Variants in NPHP3 observed in about 807,000 individuals in gnomAD.
The protein encoded by NPHP3 is nephrocystin 3.
Under a neutral mutation model 171.9 loss-of-function variants are expected in NPHP3, and 123 were observed. The observed-to-expected ratio is 0.72, with a 90% CI of 0.62 to 0.83. The LOEUF (loss-of-function observed/expected upper bound fraction) is 0.83. NPHP3 is among the 40% of genes least tolerant of loss of function. NPHP3 has a pLI of 0.00. For synonymous variants in NPHP3, 558 were observed against 579.2 expected, an observed-to-expected ratio of 0.96 and a Z score of 0.52; for missense variants, 1,506 against 1,591.9, an observed-to-expected ratio of 0.95 and a Z score of 0.92.
In NPHP3 at chr3:132,722,315, TC is replaced by T; in HGVS notation, c.40del (p.Glu14LysfsTer2). Reference sequence around the variant, plus strand: ...CGCCCCGTACGTGTCCTCGATCACTTCCCCGCCCGCGGGGCTCACGAGCGAC... The same window carrying T: ...CGCCCCGTACGTGTCCTCGATCACTTCCCGCCCGCGGGGCTCACGAGCGAC... The part of the protein sequence containing the change: ...ASSLVSPAGG[E>X]VIEDTYGAGG... On this transcript the variant is annotated frameshift_variant, in exon 1 of 27. Coordinates refer to ENST00000337331, the MANE Select transcript of NPHP3 (RefSeq NM_153240.5). LOFTEE classifies it high-confidence loss of function. 1 of 1,581,040 alleles carries T rather than the reference TC, an allele frequency of 6.3e-7. No homozygotes were observed. Among genetic ancestry groups the T allele is most frequent in the Non-Finnish European group, 8.5e-7 (1 of 1,172,860 alleles).
intron 22 of NPHP3, 141 bp downstream of exon 22, chr3:132,687,010 A>G (rs1939179665): frequency 6.9e-6 from 4 of 576,220 alleles, no homozygotes; most frequent in South Asian, 2.0e-5. Flanking sequence ...TAACACATAA[A>G]TAAGAAAATG....
At chr3:132,697,235 T>C (rs769769919) in intron 14 of NPHP3, 25 bp downstream of exon 14, 7 of 1,403,422 alleles carry the variant, frequency 5.0e-6, no homozygotes, top group South Asian at 3.5e-5. Context: ...GAGTAAAAGA[T>C]TGCATCAAAA....
chr3:132,710,129 C>A (rs1939869002), intron 6 of NPHP3, among the ~76,000 whole-genome samples: 1 of 152,066 alleles, frequency 6.6e-6, no homozygotes, highest in East Asian at 1.9e-4. Flanking sequence ...TATAACAGGC[C>A]AGCTAATATG....
In NPHP3 at chr3:132,681,422, T is replaced by A. The variant is rs997889402; in HGVS notation, c.*488A>T. On this transcript the variant is annotated 3_prime_UTR_variant, in exon 27 of 27. Coordinates refer to ENST00000337331, the MANE Select transcript of NPHP3 (RefSeq NM_153240.5). ...AGGATTACAGGCATGCGCCACCAGG[T>A]CCAGCTAATTTTTTTTTGTATTTTT... 15 of 175,022 alleles carry A rather than the reference T, an allele frequency of 8.6e-5. No individual in the cohort carries two copies. Among genetic ancestry groups the A allele is most frequent in the African/African-American group, 3.6e-4 (15 of 41,432 alleles). The allele number at this position is 175,022 out of a possible 1,614,324, so 10.8% of individuals were successfully genotyped here. A position where few individuals can be genotyped will look rare whatever the true frequency, so the allele number is the denominator to read the frequency against.
intron 21 of NPHP3, among the ~76,000 whole-genome samples, chr3:132,688,302 T>C (rs62292467): frequency 0.094 from 14,385 of 152,262 alleles, 837 homozygotes; most frequent in Middle Eastern, 0.14. Context: ...TCTCATTATA[T>C]ATATGCAAAT....
At position 132,719,106 on chromosome 3, in the gene NPHP3, T is replaced by G; in HGVS notation, c.558A>C (p.Leu186Phe). 6.2e-7 allele frequency: 1 copy of G among 1,613,602 alleles called. No individual in the cohort carries two copies. The highest frequency in any genetic ancestry group is 8.5e-7 in the Non-Finnish European group (1 of 1,179,666). ...RETKENEIQD[L>F]LRAKRELESK... is the part of the protein sequence containing the mutation. The stretch of plus-strand genomic sequence containing the variant: ...TCTCCAACTCCCTCTTGGCCCTCAG[T>G]AAGTCCTGAATTTCATTTTCTTTGG... The change falls in exon 3 of 27, where the codon TTA (leucine) becomes TTC (phenylalanine). Residue 186 changes from leucine (L) to phenylalanine (F), a missense_variant. Physicochemically the swap from Leu to Phe is conservative, Grantham distance 22. Transcript: ENST00000337331.
At chr3:132,699,101 C>T (rs1408663164) in intron 13 of NPHP3, among the ~76,000 whole-genome samples, 1 of 152,184 alleles carries the variant, frequency 6.6e-6, no homozygotes, top group Non-Finnish European at 1.5e-5. Flanking sequence ...CCATGTTGGC[C>T]AGGCTGGTCT....
intron 16 of NPHP3, chr3:132,693,423 T>G (rs1228303182): frequency 6.5e-6 from 1 of 153,394 alleles, no homozygotes; most frequent in African/African-American, 2.4e-5. Context: ...CCAGGATCTT[T>G]GAAGGGCTTT....
chr3:132,711,236 G>A (rs896105492), intron 6 of NPHP3, among the ~76,000 whole-genome samples: 4 of 152,078 alleles, frequency 2.6e-5, no homozygotes, highest in African/African-American at 9.7e-5. Flanking sequence ...CATCCCCACT[G>A]CCATACCTCT....
chr3:132,704,097 A>G, intron 9 of NPHP3, 101 bp downstream of exon 9: 1 of 1,176,766 alleles, frequency 8.5e-7, no homozygotes, highest in Non-Finnish European at 1.3e-6. Context: ...TAGACAACTA[A>G]TATAATCATA....
rs1159005602 is a variant in NPHP3, at chr3:132,705,729, T to G, written c.1350+11A>C. On this transcript the variant is annotated intron_variant, in intron 8 of 26. Transcript: ENST00000337331. ...ATTTTAGATGAAAACTTACAGAGAATGCATATTTACCTGTTTAATAATCTT... is the reference window on the plus strand; with the variant it reads ...ATTTTAGATGAAAACTTACAGAGAAGGCATATTTACCTGTTTAATAATCTT... 1 of 1,214,140 alleles carries G rather than the reference T, an allele frequency of 8.2e-7. No individual in the cohort carries two copies. Among genetic ancestry groups the G allele is most frequent in the East Asian group, 2.3e-5 (1 of 42,814 alleles). The allele number at this position is 1,214,140 out of a possible 1,614,324, so 75.2% of individuals were successfully genotyped here.
At chr3:132,698,528 T>C (rs1939518268) in intron 13 of NPHP3, among the ~76,000 whole-genome samples, 2 of 152,080 alleles carry the variant, frequency 1.3e-5, no homozygotes, top group Non-Finnish European at 1.5e-5. Flanking sequence ...CCACCCGCCC[T>C]GGCCTCCCGA....
chr3:132,701,894 C>T (rs113966964), intron 9 of NPHP3, among the ~76,000 whole-genome samples: 207 of 152,198 alleles, frequency 1.4e-3, no homozygotes, highest in African/African-American at 4.2e-3. Flanking sequence ...AGCGTGGTGG[C>T]GGGCGCCTGT....
Position 132,708,269 on chromosome 3 carries a change from A to G in NPHP3, c.1119-12T>C, listed in dbSNP as rs753569204. 30 of 1,612,886 alleles carry G rather than the reference A, an allele frequency of 1.9e-5. No individual in the cohort carries two copies. The Admixed American group carries it at 4.8e-4, about 26-fold the overall frequency. ...CTTCCAATAAAAGGCTAGATTGGAA[A>G]TCAGCATTTTGTGTGCTATACTGCA... is the stretch of plus-strand genomic sequence containing the variant. On this transcript the variant is annotated splice_polypyrimidine_tract_variant and intron_variant, in intron 6 of 26. Coordinates refer to ENST00000337331, the MANE Select transcript of NPHP3 (RefSeq NM_153240.5).
intron 3 of NPHP3, chr3:132,717,242 G>C (rs190216756): frequency 1.2e-5 from 3 of 249,348 alleles, no homozygotes; most frequent in East Asian, 1.1e-4. Context: ...GTACAGCTTA[G>C]ACACCAGTTA....
chr3:132,686,213 A>G (rs1369905633), intron 23 of NPHP3, 47 bp downstream of exon 23: 2 of 1,596,932 alleles, frequency 1.3e-6, no homozygotes, highest in African/African-American at 2.7e-5. Flanking sequence ...CATTGCATCA[A>G]AGAGAAAATG....
intron 15 of NPHP3, among the ~76,000 whole-genome samples, chr3:132,696,054 G>A (rs1576669004): frequency 6.6e-6 from 1 of 151,882 alleles, no homozygotes. Flanking sequence ...TACTAGATTC[G>A]GTGTCTGGAA....
chr3:132,696,415 T>C (rs963082836), intron 15 of NPHP3, among the ~76,000 whole-genome samples: 2 of 152,328 alleles, frequency 1.3e-5, no homozygotes, highest in South Asian at 4.1e-4. Flanking sequence ...TGAAATAATA[T>C]TGTAACCCTC....
At position 132,690,753 on chromosome 3, in the gene NPHP3, C is replaced by A. The variant is rs62292469; in HGVS notation, c.2571-103G>T. 0.11 allele frequency: 123,423 copies of A among 1,139,062 alleles called. 7,441 individuals are homozygous for A. Among genetic ancestry groups the A allele is most frequent in the Middle Eastern group, 0.15 (748 of 4,890 alleles). 70.6% of individuals were successfully genotyped at this position (1,139,062 alleles called of 1,614,324 possible). A position where few individuals can be genotyped will look rare whatever the true frequency, so the allele number is the denominator to read the frequency against. On this transcript the variant is annotated intron_variant, in intron 18 of 26. Coordinates refer to ENST00000337331, the MANE Select transcript of NPHP3 (RefSeq NM_153240.5). Reference sequence around the variant, plus strand: ...AGGAAGAAAAATATTTAACATATATCTCTGATTCTTTAAGTATAATTTAAT... The same window carrying A: ...AGGAAGAAAAATATTTAACATATATATCTGATTCTTTAAGTATAATTTAAT...
Sources: allele counts gnomAD v4.1 joint callset (sites outside exome capture counted in the v4.1 genomes callset), GRCh38; gene constraint gnomAD v4.1.1; transcripts MANE v1.5; gene names NCBI Gene and HGNC (gene_info 2026-07-23, HGNC 2026-07-21).